ZNF678: variants seen among roughly 807,000 people sequenced by gnomAD.
ZNF678 encodes the protein hypothetical protein MGC42493.
Under a neutral mutation model 3.0 loss-of-function variants are expected in ZNF678, and 5 were observed. The ratio of observed to expected loss-of-function variants is 1.69; its 90% confidence interval spans 0.88 to 3.56. The LOEUF (loss-of-function observed/expected upper bound fraction) is 3.56, where lower values mean the gene tolerates loss of function less well. Ranked by LOEUF, ZNF678 falls within the 30% of genes most tolerant of loss-of-function variation. The pLI, the probability that ZNF678 is intolerant of heterozygous loss-of-function variation, is 0.00. For synonymous variants in ZNF678, 218 were observed against 199.6 expected (o/e 1.09, Z -0.78); for missense variants, 593 against 605.0 (o/e 0.98, Z 0.21).
At chr1:227,651,192 C>T in intron 3 of ZNF678, 116 bp downstream of exon 3, 2 of 1,119,944 alleles carry the variant, frequency 1.8e-6, no homozygotes, top group Non-Finnish European at 1.2e-6. Context: ...TGGGGTCTGT[C>T]TTTGGTGGGC....
intron 1 of ZNF678, among the ~76,000 whole-genome samples, chr1:227,595,668 G>GCA (rs1403689388): frequency 3.3e-5 from 5 of 152,084 alleles, no homozygotes; most frequent in Non-Finnish European, 7.4e-5. Flanking sequence ...GGTAAAAAGG[G>GCA]CACACACACA....
At chr1:227,605,135 G>A (rs749952083) in intron 1 of ZNF678, among the ~76,000 whole-genome samples, 11 of 152,280 alleles carry the variant, frequency 7.2e-5, no homozygotes, top group Non-Finnish European at 1.0e-4. Context: ...GATTACAGGC[G>A]TGAGCCACTG....
chr1:227,644,242 G>T (rs1257789365), intron 1 of ZNF678, among the ~76,000 whole-genome samples: 24 of 152,106 alleles, frequency 1.6e-4, no homozygotes, highest in Admixed American at 1.4e-3. Flanking sequence ...TTTACATCCT[G>T]GCAATTATGA....
intron 1 of ZNF678, among the ~76,000 whole-genome samples, chr1:227,615,779 C>A (rs534127844): frequency 1.3e-5 from 2 of 152,320 alleles, no homozygotes; most frequent in South Asian, 4.2e-4. Context: ...GTCAGGCAGG[C>A]AGCCTTTCAA....
chr1:227,601,912 G>C (rs1448573575), intron 1 of ZNF678, among the ~76,000 whole-genome samples: 1 of 152,120 alleles, frequency 6.6e-6, no homozygotes, highest in Non-Finnish European at 1.5e-5. Flanking sequence ...TTTGTACATT[G>C]ATTTTGTGTT....
chr1:227,590,822 C>G (rs1044997742), intron 1 of ZNF678, among the ~76,000 whole-genome samples: 1 of 151,806 alleles, frequency 6.6e-6, no homozygotes, highest in African/African-American at 2.4e-5. Context: ...GAAATTTACT[C>G]TGTGTCGTTT....
intron 1 of ZNF678, among the ~76,000 whole-genome samples, chr1:227,599,481 C>CT (rs2102747969): frequency 6.6e-6 from 1 of 152,236 alleles, no homozygotes; most frequent in Non-Finnish European, 1.5e-5. Context: ...TTCAGAATGA[C>CT]TGAGTTATAC....
chr1:227,582,355 C>T (rs982177882), intron 1 of ZNF678, among the ~76,000 whole-genome samples: 3 of 151,718 alleles, frequency 2.0e-5, no homozygotes. Flanking sequence ...ACTCTGTCAC[C>T]CTTGGTGAAG....
At chr1:227,610,584 G>A (rs749351051) in intron 1 of ZNF678, among the ~76,000 whole-genome samples, 2 of 152,120 alleles carry the variant, frequency 1.3e-5, no homozygotes, top group Non-Finnish European at 2.9e-5. Flanking sequence ...ATCATTAAGG[G>A]AGGACCCATC....
chr1:227,598,508 T>TG (rs1657651894), intron 1 of ZNF678: 2 of 1,380,694 alleles, frequency 1.4e-6, no homozygotes, highest in Non-Finnish European at 1.9e-6. Flanking sequence ...TTTGTTTTTT[T>TG]TCTGTTGCTT....
chr1:227,639,368 G>A (rs770760489), intron 1 of ZNF678, among the ~76,000 whole-genome samples: 45 of 152,210 alleles, frequency 3.0e-4, no homozygotes, highest in Non-Finnish European at 5.6e-4. Flanking sequence ...TCCCCATCAC[G>A]ATTGTTAAAG....
chr1:227,590,430 A>G lies in ZNF678; in HGVS notation c.-164+26706A>G, dbSNP rs1193782003. On this transcript the variant is annotated intron_variant, in intron 1 of 3. Coordinates refer to ENST00000343776, the MANE Select transcript of ZNF678 (RefSeq NM_001367909.1). ...GAACAGTCAAGGTTTTACCAGTTTT[A>G]TTAGTGATAATCTCCAAGACAGCAA... is the stretch of plus-strand genomic sequence containing the variant. Among the ~76,000 whole-genome samples, 3 of 151,714 alleles carry G rather than the reference A, an allele frequency of 2.0e-5. 1 individual carries two copies. Among genetic ancestry groups the G allele is most frequent in the African/African-American group, 4.9e-5 (2 of 41,164 alleles).
intron 1 of ZNF678, 24 bp downstream of exon 1, chr1:227,563,748 C>T: frequency 7.6e-7 from 1 of 1,311,922 alleles, no homozygotes; most frequent in Non-Finnish European, 1.0e-6. Context: ...GGAGGGTGTT[C>T]CAAGATGGCG....
Position 227,609,261 on chromosome 1 carries a change from T to G in ZNF678, c.-163-37283T>G, listed in dbSNP as rs180809221. On this transcript the variant is annotated intron_variant, in intron 1 of 3. Coordinates refer to ENST00000343776, the MANE Select transcript of ZNF678 (RefSeq NM_001367909.1). The stretch of plus-strand genomic sequence containing the variant: ...AAAGATCAAGGAAAAACAAACTTTA[T>G]AAGCCATATTTGGAAAAGAACTAAA... Among the ~76,000 whole-genome samples the G allele has an allele frequency of 2.7e-4, 41 of 152,182 alleles. No homozygotes were observed. In the East Asian group the frequency reaches 7.9e-3, roughly 29 times the overall value.
rs1423884531 is a variant in ZNF678, at chr1:227,651,074, CA to C, written c.84del (p.Ala29LeufsTer16). The C allele has an allele frequency of 6.2e-7, 1 of 1,613,126 alleles. No individual in the cohort carries two copies. Among genetic ancestry groups the C allele is most frequent in the East Asian group, 2.2e-5 (1 of 44,882 alleles). On this transcript the variant is annotated frameshift_variant and splice_region_variant, in exon 3 of 4. Coordinates refer to ENST00000343776, the MANE Select transcript of ZNF678 (RefSeq NM_001367909.1). LOFTEE classifies it low-confidence loss of function (END_TRUNC). ...TSTSFYKLVY[T>X]AILSYSIQDL... ...ACCAGTTTTTATAAACTGGTTTATA[CA>C]GGTAAAGATTTTATCCTATTGGGTC...
downstream of ZNF678, among the ~76,000 whole-genome samples, chr1:227,666,277 G>A (rs1383697159): frequency 6.6e-6 from 1 of 152,146 alleles, no homozygotes; most frequent in East Asian, 1.9e-4. Context: ...ACAAAAAAGG[G>A]AGCCCAAACA....
chr1:227,598,141 G>A (rs1309121921), intron 1 of ZNF678, among the ~76,000 whole-genome samples: 1 of 152,154 alleles, frequency 6.6e-6, no homozygotes, highest in East Asian at 1.9e-4. Flanking sequence ...GACACTTCTA[G>A]CTAAAAGTAT....
intron 1 of ZNF678, among the ~76,000 whole-genome samples, chr1:227,609,454 GTTAT>G (rs1331299521): frequency 6.6e-6 from 1 of 152,164 alleles, no homozygotes; most frequent in Non-Finnish European, 1.5e-5. Flanking sequence ...GTACCTATTA[GTTAT>G]TTATTTAAAT....
At chr1:227,626,887 G>A (rs1249828598) in intron 1 of ZNF678, among the ~76,000 whole-genome samples, 1 of 151,746 alleles carries the variant, frequency 6.6e-6, no homozygotes, top group Non-Finnish European at 1.5e-5. Context: ...GTCCAAATCT[G>A]GGAATTATTT....
Sources: gnomAD v4.1 joint callset for allele counts (sites outside exome capture counted in the v4.1 genomes callset) on GRCh38, gnomAD v4.1.1 for gene constraint, MANE v1.5 for transcripts, NCBI Gene and HGNC (gene_info 2026-07-23, HGNC 2026-07-21) for gene names.